Variants in NCOA2 observed in about 807,000 individuals in gnomAD.
NCOA2 encodes the protein class E basic helix-loop-helix protein 75.
Under a neutral mutation model 145.1 loss-of-function variants are expected in NCOA2, and 21 were observed. That is an observed-to-expected ratio of 0.14 (90% CI 0.10 to 0.21). The LOEUF is 0.21. Among genes scored for constraint, NCOA2 ranks in the 10% least tolerant of loss-of-function variants. The pLI, the probability that NCOA2 is intolerant of heterozygous loss-of-function variation, is 1.00. For synonymous variants in NCOA2, 619 were observed against 637.5 expected, an observed-to-expected ratio of 0.97 and a Z score of 0.44; for missense variants, 1,472 against 1,837.6, an observed-to-expected ratio of 0.80 and a Z score of 3.64.
the NCOA2 span, among the ~76,000 whole-genome samples, chr8:70,449,616 C>T: frequency 1.9e-4 from 29 of 152,308 alleles, no homozygotes; most frequent in South Asian, 6.0e-3. Context: ...CTTCTTCCCT[C>T]CTCCAATCTC....
At chr8:70,135,693 C>T (rs924533356) in intron 15 of NCOA2, among the ~76,000 whole-genome samples, 1 of 152,040 alleles carries the variant, frequency 6.6e-6, no homozygotes, top group Admixed American at 6.5e-5. Flanking sequence ...ATAGTTACAA[C>T]CTAGTTAGCA....
chr8:70,156,387 A>T lies in NCOA2; in HGVS notation c.1978T>A (p.Ser660Thr). The change falls in exon 11 of 23, where the codon TCT becomes ACT. Residue 660 changes from serine to threonine, a missense_variant. Ser to Thr is a moderately conservative substitution (Grantham distance 58). Coordinates refer to ENST00000452400, the MANE Select transcript of NCOA2 (RefSeq NM_006540.4). ...DQMEPSPLAS[S>T]LSDTNKDSTG... Reference sequence around the variant, plus strand: ...GAGTCTTTGTTTGTATCCGACAAAGAGCTGGCTAAGGGCGAGGGCTCCATC... The same window carrying T: ...GAGTCTTTGTTTGTATCCGACAAAGTGCTGGCTAAGGGCGAGGGCTCCATC... The T allele has an allele frequency of 6.2e-7, 1 of 1,613,960 alleles. No homozygotes were observed. The highest frequency in any genetic ancestry group is 1.3e-5 in the African/African-American group (1 of 75,038).
chr8:70,358,670 C>G (rs900508014), intron 1 of NCOA2, among the ~76,000 whole-genome samples: 3 of 152,162 alleles, frequency 2.0e-5, no homozygotes, highest in African/African-American at 7.2e-5. Flanking sequence ...GAAGAAAACA[C>G]AGCAGGCCAA....
chr8:70,153,289 A>C (rs553172447), intron 11 of NCOA2, among the ~76,000 whole-genome samples: 1 of 152,254 alleles, frequency 6.6e-6, no homozygotes, highest in East Asian at 1.9e-4. Flanking sequence ...GATTCACCCC[A>C]AAAAAACAGA....
intron 4 of NCOA2, among the ~76,000 whole-genome samples, chr8:70,204,853 A>G (rs890639670): frequency 6.6e-6 from 1 of 152,134 alleles, no homozygotes; most frequent in Non-Finnish European, 1.5e-5. Context: ...TTAGCCAGGC[A>G]TGGTGGTGCA....
intron 1 of NCOA2, among the ~76,000 whole-genome samples, chr8:70,362,106 T>G (rs956019362): frequency 2.6e-5 from 4 of 152,220 alleles, no homozygotes; most frequent in African/African-American, 4.8e-5. Context: ...AGGATTGATT[T>G]TTTTGGAGCA....
chr8:70,403,846 T>G (rs952975661), upstream of NCOA2: 1 of 335,826 alleles, frequency 3.0e-6, no homozygotes, highest in Non-Finnish European at 5.0e-6. Flanking sequence ...CTCCCCCAAC[T>G]CCCTCCTCCT....
chr8:70,276,478 C>G (rs912308825), intron 2 of NCOA2, among the ~76,000 whole-genome samples: 1 of 152,132 alleles, frequency 6.6e-6, no homozygotes, highest in Non-Finnish European at 1.5e-5. Flanking sequence ...AATTGTAGTT[C>G]CCATAATCCC....
At chr8:70,233,249 A>G (rs1416719691) in intron 2 of NCOA2, among the ~76,000 whole-genome samples, 3 of 152,104 alleles carry the variant, frequency 2.0e-5, no homozygotes, top group Non-Finnish European at 4.4e-5. Flanking sequence ...AATACGTGTC[A>G]TATACCATAT....
At position 70,264,833 on chromosome 8, in the gene NCOA2, CA is replaced by C. The variant is rs139308550; in HGVS notation, c.-20+31910del. On this transcript the variant is annotated intron_variant, in intron 2 of 22. Transcript: ENST00000452400. ...CTTGCAACTACATAGATATTATCAC[CA>C]AAAAAAAACCCATAATGTTATAGGA... 1.1e-3 allele frequency among the ~76,000 whole-genome samples: 166 copies of C among 148,464 alleles called. 1 individual carries two copies. The highest frequency in any genetic ancestry group is 3.9e-3 in the African/African-American group (157 of 40,628).
At chr8:70,264,914 A>G (rs901703044) in intron 2 of NCOA2, among the ~76,000 whole-genome samples, 2 of 152,144 alleles carry the variant, frequency 1.3e-5, no homozygotes, top group Non-Finnish European at 1.5e-5. Flanking sequence ...GAGCTTTAAA[A>G]CCTAAAAAAA....
At chr8:70,120,929 C>T (rs189071260) in intron 22 of NCOA2, among the ~76,000 whole-genome samples, 275 of 152,180 alleles carry the variant, frequency 1.8e-3, no homozygotes, top group Non-Finnish European at 3.0e-3. Context: ...CCTTATAATT[C>T]AGAAATAGCA....
At chr8:70,304,961 A>G (rs2135905776) in intron 1 of NCOA2, among the ~76,000 whole-genome samples, 1 of 148,168 alleles carries the variant, frequency 6.7e-6, no homozygotes, top group Middle Eastern at 3.7e-3. Flanking sequence ...GGCTCAGTTG[A>G]TCTACCCATG....
intron 2 of NCOA2, among the ~76,000 whole-genome samples, chr8:70,258,150 C>T (rs995450958): frequency 6.6e-6 from 1 of 152,138 alleles, no homozygotes; most frequent in Non-Finnish European, 1.5e-5. Flanking sequence ...CTCATGAGCT[C>T]AAGTGATCCG....
the NCOA2 span, among the ~76,000 whole-genome samples, chr8:70,438,959 T>C: frequency 1.3e-5 from 2 of 152,184 alleles, no homozygotes; most frequent in Admixed American, 6.5e-5. Flanking sequence ...ATCCAGAAAT[T>C]TGGGCTTCTG....
At chr8:70,243,259 C>T (rs902705164) in intron 2 of NCOA2, among the ~76,000 whole-genome samples, 4 of 152,058 alleles carry the variant, frequency 2.6e-5, no homozygotes, top group African/African-American at 9.7e-5. Flanking sequence ...AATGAAATGG[C>T]ATGGATGCAG....
chr8:70,257,481 A>G (rs1823725910), intron 2 of NCOA2, among the ~76,000 whole-genome samples: 1 of 152,210 alleles, frequency 6.6e-6, no homozygotes, highest in Admixed American at 6.5e-5. Context: ...AAATAAGGAA[A>G]AGACATAGTA....
chr8:70,361,553 G>C (rs1255493073), intron 1 of NCOA2, among the ~76,000 whole-genome samples: 1 of 152,154 alleles, frequency 6.6e-6, no homozygotes, highest in African/African-American at 2.4e-5. Context: ...ATTCATTTTA[G>C]ATGTTTACAT....
intron 6 of NCOA2, 149 bp from the exon 7 acceptor site, chr8:70,166,903 G>A (rs1813677513): frequency 6.6e-6 from 5 of 760,686 alleles, no homozygotes; most frequent in South Asian, 2.4e-5. Flanking sequence ...TAATCTAGAG[G>A]AGGAAAAATC....
Sources: gnomAD v4.1 joint callset for allele counts (sites outside exome capture counted in the v4.1 genomes callset) on GRCh38, gnomAD v4.1.1 for gene constraint, MANE v1.5 for transcripts, NCBI Gene and HGNC (gene_info 2026-07-23, HGNC 2026-07-21) for gene names.